KRT8: variants seen among roughly 807,000 people sequenced by gnomAD.
KRT8 encodes the protein keratin, type II cytoskeletal 8.
KRT8 carries 24 observed loss-of-function variants against 43.0 expected under a neutral mutation model. The ratio of observed to expected loss-of-function variants is 0.56; its 90% CI spans 0.40 to 0.78. KRT8 has a LOEUF of 0.78. Among genes scored for constraint, KRT8 ranks in the 30% least tolerant of loss-of-function variants. KRT8 has a pLI of 0.00. For synonymous variants in KRT8, 214 were observed against 261.2 expected (o/e 0.82, Z 1.74); for missense variants, 492 against 638.4 (o/e 0.77, Z 2.47).
chr12:52,900,387 A>G (rs1484357859), intron 4 of KRT8, among the ~76,000 whole-genome samples: 3 of 152,186 alleles, frequency 2.0e-5, no homozygotes, highest in African/African-American at 7.2e-5. Flanking sequence ...AAATGGGGTA[A>G]TGACTCATCC....
chr12:52,937,871 A>AC (rs1942193405), intron 2 of KRT8, among the ~76,000 whole-genome samples: 1 of 150,450 alleles, frequency 6.6e-6, no homozygotes, highest in Admixed American at 6.6e-5. Context: ...ATGGTGGCAC[A>AC]CACCTGTAGT....
chr12:52,897,817 A>G (rs1941252425), intron 7 of KRT8, among the ~76,000 whole-genome samples, 199 bp from the exon 8 acceptor site: 1 of 152,200 alleles, frequency 6.6e-6, no homozygotes, highest in Admixed American at 6.5e-5. Context: ...GCTGCCATAT[A>G]TATAGCTGTG....
At chr12:52,935,378 CAAAAAAAAAAAAAAAAA>C (rs71092794) in intron 2 of KRT8, among the ~76,000 whole-genome samples, 25 of 23,754 alleles carry the variant, frequency 1.1e-3, no homozygotes, top group African/African-American at 3.7e-3. Context: ...GACTCTGTCT[CAAAAAAAAAAAAAAAAA>C]AAAAAAAAAA....
chr12:52,948,996 C>T, intron 2 of KRT8: 3 of 512,706 alleles, frequency 5.9e-6, no homozygotes, highest in Non-Finnish European at 6.7e-6. Context: ...CGGGGCGGAG[C>T]GGCCCGGGGC....
chr12:52,926,767 C>T (rs1941999871), intron 2 of KRT8, among the ~76,000 whole-genome samples: 1 of 152,132 alleles, frequency 6.6e-6, no homozygotes, highest in South Asian at 2.1e-4. Flanking sequence ...ATCCAAGGCT[C>T]TAAGAAGTAA....
At chr12:52,905,085 A>G, upstream of KRT8, 5 of 1,479,082 alleles carry the variant, frequency 3.4e-6, no homozygotes, top group Non-Finnish European at 4.5e-6. Context: ...ATGGCCTTTT[A>G]TAAAAGAGAT....
chr12:52,902,292 G>A (rs769132572), intron 1 of KRT8: 28 of 581,810 alleles, frequency 4.8e-5, no homozygotes, highest in Non-Finnish European at 8.6e-5. Flanking sequence ...TTGGGTAGGG[G>A]AAGGAGACAG....
intron 2 of KRT8, among the ~76,000 whole-genome samples, chr12:52,936,984 A>G (rs1284648923): frequency 6.6e-6 from 1 of 152,230 alleles, no homozygotes; most frequent in African/African-American, 2.4e-5. Context: ...ACTTGAATCC[A>G]GACATATTTT....
intron 2 of KRT8, among the ~76,000 whole-genome samples, chr12:52,915,242 G>A (rs966616892): frequency 1.3e-5 from 2 of 151,922 alleles, no homozygotes; most frequent in African/African-American, 4.8e-5. Context: ...GCGAGGTGGC[G>A]GGCACCTGTA....
chr12:52,933,392 A>G (rs959578554), intron 2 of KRT8, among the ~76,000 whole-genome samples: 1 of 152,252 alleles, frequency 6.6e-6, no homozygotes, highest in African/African-American at 2.4e-5. Context: ...TGAAAAGTAT[A>G]AAACATTAAT....
intron 2 of KRT8, among the ~76,000 whole-genome samples, chr12:52,933,779 C>T (rs1412681586): frequency 1.3e-5 from 2 of 151,894 alleles, no homozygotes; most frequent in African/African-American, 4.8e-5. Context: ...TGCCCACGAC[C>T]ATGCCTGGCT....
At chr12:52,898,171 A>T (rs1055999029) in intron 7 of KRT8, among the ~76,000 whole-genome samples, 2 of 152,234 alleles carry the variant, frequency 1.3e-5, no homozygotes, top group African/African-American at 4.8e-5. Flanking sequence ...TCTCAAAAAA[A>T]TTAAATTAAA....
chr12:52,945,022 C>T (rs1229864107), intron 2 of KRT8, among the ~76,000 whole-genome samples: 1 of 152,202 alleles, frequency 6.6e-6, no homozygotes, highest in African/African-American at 2.4e-5. Context: ...ATGACCCCCA[C>T]TGACCTCTCC....
chr12:52,927,549 AG>A (rs569376466), intron 2 of KRT8, among the ~76,000 whole-genome samples: 332 of 152,350 alleles, frequency 2.2e-3, no homozygotes, highest in African/African-American at 7.3e-3. Context: ...GGTCCTGGCC[AG>A]GGGTGGAGTC....
At chr12:52,922,123 T>G (rs1264218709) in intron 2 of KRT8, among the ~76,000 whole-genome samples, 23 of 139,926 alleles carry the variant, frequency 1.6e-4, no homozygotes, top group African/African-American at 5.9e-4. Context: ...GAGGCTGTAG[T>G]GTACCATAAT....
intron 1 of KRT8, among the ~76,000 whole-genome samples, chr12:52,904,306 A>AT (rs1263893982): frequency 6.6e-6 from 1 of 152,088 alleles, no homozygotes; most frequent in African/African-American, 2.4e-5. Context: ...AACCGCTATT[A>AT]TTTTTTATAA....
At chr12:52,938,136 CTATATATATATATATATA>C (rs1161700326) in intron 2 of KRT8, among the ~76,000 whole-genome samples, 11 of 44,054 alleles carry the variant, frequency 2.5e-4, no homozygotes, top group Non-Finnish European at 3.7e-4. Flanking sequence ...CACTAGAAAG[CTATATATATATATATATA>C]TATATATATA....
chr12:52,897,961 C>T (rs1372379662), intron 7 of KRT8, among the ~76,000 whole-genome samples: 1 of 152,100 alleles, frequency 6.6e-6, no homozygotes, highest in Non-Finnish European at 1.5e-5. Flanking sequence ...GTCAGGAGTT[C>T]GAGACCAGCC....
chr12:52,926,943 AAT>A (rs1942003795), intron 2 of KRT8, among the ~76,000 whole-genome samples: 4 of 148,410 alleles, frequency 2.7e-5, no homozygotes, highest in Middle Eastern at 3.4e-3. Context: ...TCACTGAATG[AAT>A]GAATGAATGA....
Sources: gnomAD v4.1 joint callset for allele counts (sites outside exome capture counted in the v4.1 genomes callset) on GRCh38, gnomAD v4.1.1 for gene constraint, MANE v1.5 for transcripts, NCBI Gene and HGNC (gene_info 2026-07-23, HGNC 2026-07-21) for gene names.